MAPK10: variants seen among roughly 807,000 people sequenced by gnomAD.
MAPK10 encodes JNK3 alpha protein kinase.
Under a neutral mutation model 59.3 loss-of-function variants are expected in MAPK10, and 25 were observed. The observed-to-expected ratio is 0.42, with a 90% CI of 0.31 to 0.59. The LOEUF (loss-of-function observed/expected upper bound fraction) is 0.59. Ranked by LOEUF, MAPK10 falls within the 20% of genes least tolerant of loss-of-function variation. The pLI is 0.15. For missense variants in MAPK10, 351 were observed against 568.9 expected (o/e 0.62, Z 3.90); for synonymous variants, 190 against 200.5 (o/e 0.95, Z 0.44).
chr4:86,354,525 C>T lies in MAPK10; in HGVS notation c.-7+5G>A. 1.7e-6 allele frequency: 2 copies of T among 1,201,002 alleles called. No individual in the cohort carries two copies. Among genetic ancestry groups the T allele is most frequent in the Non-Finnish European group, 1.0e-6 (1 of 959,714 alleles). The allele number at this position is 1,201,002 out of a possible 1,614,324, so 74.4% of individuals were successfully genotyped here. On this transcript the variant is annotated splice_donor_5th_base_variant and intron_variant, in intron 2 of 13. Coordinates refer to ENST00000641462, the MANE Select transcript of MAPK10 (RefSeq NM_138982.4). Reference sequence around the variant, plus strand: ...CTAAGGAATATTTTTAAATTGGCAACTCACCACAGCTTGTATGGTTTCTCA... The same window carrying T: ...CTAAGGAATATTTTTAAATTGGCAATTCACCACAGCTTGTATGGTTTCTCA...
intron 1 of MAPK10, among the ~76,000 whole-genome samples, chr4:86,581,330 C>T (rs1251401392): frequency 6.6e-6 from 1 of 151,204 alleles, no homozygotes; most frequent in African/African-American, 2.4e-5. Flanking sequence ...ATAATTTCAA[C>T]ACATATAAAA....
chr4:86,179,451 T>C (rs1459592127), intron 3 of MAPK10, among the ~76,000 whole-genome samples: 1 of 152,064 alleles, frequency 6.6e-6, no homozygotes, highest in African/African-American at 2.4e-5. Context: ...ACACATTCAA[T>C]GTAACGCCTA....
chr4:86,223,966 G>C (rs1563281898), intron 2 of MAPK10, among the ~76,000 whole-genome samples: 1 of 152,086 alleles, frequency 6.6e-6, no homozygotes, highest in Non-Finnish European at 1.5e-5. Context: ...CTTGACACCT[G>C]AACCAAATTT....
chr4:86,381,998 C>T (rs1310448845), intron 1 of MAPK10, among the ~76,000 whole-genome samples: 5 of 152,036 alleles, frequency 3.3e-5, no homozygotes, highest in South Asian at 2.1e-4. Context: ...TCTACAGTGG[C>T]GCTATTGACA....
chr4:86,194,436 T>G, intron 2 of MAPK10, 29 bp from the exon 3 acceptor site: 4 of 1,317,108 alleles, frequency 3.0e-6, no homozygotes, highest in Non-Finnish European at 4.4e-6. Context: ...GAGCATAAAT[T>G]TTCAAATCAC....
At chr4:86,587,462 T>C (rs189435963) in intron 1 of MAPK10, among the ~76,000 whole-genome samples, 42 of 152,340 alleles carry the variant, frequency 2.8e-4, no homozygotes, top group African/African-American at 9.4e-4. Context: ...TTGGAAGTGT[T>C]AGTATTGCCT....
chr4:86,069,179 C>T (rs2047292449), intron 9 of MAPK10, among the ~76,000 whole-genome samples: 1 of 151,968 alleles, frequency 6.6e-6, no homozygotes, highest in Non-Finnish European at 1.5e-5. Flanking sequence ...TAACTGTATT[C>T]AACAAAAAGA....
intron 2 of MAPK10, among the ~76,000 whole-genome samples, chr4:86,305,000 A>G (rs2148855659): frequency 1.3e-5 from 2 of 152,314 alleles, no homozygotes; most frequent in South Asian, 4.1e-4. Flanking sequence ...AAATGAAATA[A>G]TGTGTCATCA....
At chr4:86,110,068 T>C (rs1034542907) in intron 4 of MAPK10, among the ~76,000 whole-genome samples, 1 of 151,786 alleles carries the variant, frequency 6.6e-6, no homozygotes, top group African/African-American at 2.4e-5. Flanking sequence ...CCCCTTTATA[T>C]GAGGTTGGTT....
At chr4:86,536,946 C>G (rs1361530954) in intron 1 of MAPK10, among the ~76,000 whole-genome samples, 1 of 152,016 alleles carries the variant, frequency 6.6e-6, no homozygotes, top group Non-Finnish European at 1.5e-5. Context: ...ATAGGGAAAG[C>G]CATGGTGGTA....
chr4:86,059,420 A>T (rs564324855), intron 11 of MAPK10, among the ~76,000 whole-genome samples: 1 of 152,248 alleles, frequency 6.6e-6, no homozygotes. Context: ...TACATTATAA[A>T]CAAACAGTAA....
intron 1 of MAPK10, chr4:86,370,671 A>G (rs1226800228): frequency 3.3e-5 from 5 of 152,168 alleles, no homozygotes; most frequent in African/African-American, 1.2e-4. Context: ...ACCTCAACAC[A>G]GTCATGCAAG....
chr4:86,148,734 T>C (rs534744294), intron 4 of MAPK10, among the ~76,000 whole-genome samples: 2 of 152,144 alleles, frequency 1.3e-5, no homozygotes, highest in Non-Finnish European at 1.5e-5. Context: ...GAGTAGATGA[T>C]CATAAAATTA....
chr4:86,420,250 AC>A (rs775538661), intron 1 of MAPK10, among the ~76,000 whole-genome samples: 19 of 152,190 alleles, frequency 1.2e-4, no homozygotes, highest in Non-Finnish European at 2.5e-4. Context: ...CACTTCTCAA[AC>A]CCTAGTCTAT....
intron 1 of MAPK10, among the ~76,000 whole-genome samples, chr4:86,405,978 C>T (rs1019418036): frequency 2.6e-5 from 4 of 152,096 alleles, no homozygotes; most frequent in African/African-American, 9.7e-5. Context: ...AAGAAAGAAA[C>T]CTGCAACCAC....
At chr4:86,197,405 A>C (rs1442815559) in intron 2 of MAPK10, among the ~76,000 whole-genome samples, 1 of 152,120 alleles carries the variant, frequency 6.6e-6, no homozygotes, top group African/African-American at 2.4e-5. Context: ...TTGCACATTA[A>C]TTTTGCATCC....
At chr4:86,567,471 C>T (rs1306735901) in intron 1 of MAPK10, among the ~76,000 whole-genome samples, 6 of 152,168 alleles carry the variant, frequency 3.9e-5, no homozygotes, top group African/African-American at 1.2e-4. Flanking sequence ...CCACCCGCCT[C>T]GGCCTCCCAA....
chr4:86,442,572 A>G (rs1331265403), intron 1 of MAPK10, among the ~76,000 whole-genome samples: 1 of 152,234 alleles, frequency 6.6e-6, no homozygotes, highest in Non-Finnish European at 1.5e-5. Flanking sequence ...CATCCACAGA[A>G]GAAGAAATCA....
intron 2 of MAPK10, among the ~76,000 whole-genome samples, chr4:86,282,973 G>A (rs1201242019): frequency 2.0e-5 from 3 of 152,078 alleles, no homozygotes; most frequent in Non-Finnish European, 4.4e-5. Context: ...TGTATAAAAG[G>A]GTGAGATTTC....
Sources: allele counts gnomAD v4.1 joint callset (sites outside exome capture counted in the v4.1 genomes callset), GRCh38; gene constraint gnomAD v4.1.1; transcripts MANE v1.5; gene names NCBI Gene and HGNC (gene_info 2026-07-23, HGNC 2026-07-21).